ELMO1: variants seen among roughly 807,000 people sequenced by gnomAD.
ELMO1 encodes the protein engulfment and cell motility protein 1.
Under a neutral mutation model 98.9 loss-of-function variants are expected in ELMO1, and 26 were observed. The observed-to-expected ratio is 0.26, with a 90% confidence interval of 0.19 to 0.36. The LOEUF (loss-of-function observed/expected upper bound fraction) is 0.36, where lower values mean the gene tolerates loss of function less well. Ranked by LOEUF, ELMO1 falls within the 10% of genes least tolerant of loss-of-function variation. ELMO1 has a pLI of 1.00. For missense variants in ELMO1, 627 were observed against 935.2 expected (o/e 0.67, Z 4.30); for synonymous variants, 346 against 346.0 (o/e 1.00, Z 0.00).
chr7:36,934,178 C>A (rs1042344539), intron 16 of ELMO1, among the ~76,000 whole-genome samples: 2 of 152,154 alleles, frequency 1.3e-5, no homozygotes, highest in Non-Finnish European at 2.9e-5. Flanking sequence ...AAGAAACGGA[C>A]TGTGGCGAAC....
At chr7:37,010,246 C>T (rs1202242917) in intron 16 of ELMO1, among the ~76,000 whole-genome samples, 1 of 152,206 alleles carries the variant, frequency 6.6e-6, no homozygotes, top group Non-Finnish European at 1.5e-5. Flanking sequence ...AACTGATCTA[C>T]ACATCTAAAA....
intron 16 of ELMO1, among the ~76,000 whole-genome samples, chr7:36,984,093 A>C (rs765424229): frequency 3.3e-5 from 5 of 152,086 alleles, no homozygotes; most frequent in Non-Finnish European, 2.9e-5. Context: ...AGAAGAGGCC[A>C]AGGCGAAATG....
chr7:36,930,202 C>T (rs760797496), intron 16 of ELMO1, among the ~76,000 whole-genome samples: 6 of 152,218 alleles, frequency 3.9e-5, no homozygotes, highest in Non-Finnish European at 5.9e-5. Flanking sequence ...TACTTATGCC[C>T]TCTGGATGTG....
intron 15 of ELMO1, among the ~76,000 whole-genome samples, chr7:37,085,659 C>T (rs767173882): frequency 6.6e-6 from 1 of 151,990 alleles, no homozygotes; most frequent in Admixed American, 6.5e-5. Flanking sequence ...AAAAAAATAA[C>T]CCGTGGGTCC....
chr7:37,319,377 T>C (rs1327957313), intron 2 of ELMO1, among the ~76,000 whole-genome samples: 2 of 152,206 alleles, frequency 1.3e-5, no homozygotes, highest in Non-Finnish European at 2.9e-5. Flanking sequence ...GTTATGTAGC[T>C]GTTTCCTCTG....
At chr7:36,975,985 A>G (rs2129139351) in intron 16 of ELMO1, among the ~76,000 whole-genome samples, 1 of 152,362 alleles carries the variant, frequency 6.6e-6, no homozygotes, top group South Asian at 2.1e-4. Context: ...ATTGTTATCA[A>G]TATTTTCCTC....
intron 1 of ELMO1, among the ~76,000 whole-genome samples, chr7:37,390,607 A>G (rs1803026152): frequency 6.6e-6 from 1 of 152,166 alleles, no homozygotes; most frequent in African/African-American, 2.4e-5. Context: ...ATGGTCCCCT[A>G]GGTTAGGACT....
intron 10 of ELMO1, among the ~76,000 whole-genome samples, chr7:37,220,408 T>G (rs1467168790): frequency 6.6e-6 from 1 of 152,216 alleles, no homozygotes; most frequent in Non-Finnish European, 1.5e-5. Flanking sequence ...CTTTCTTAGT[T>G]GGAATCTTTT....
At chr7:37,377,749 C>A (rs1802412903) in intron 1 of ELMO1, among the ~76,000 whole-genome samples, 2 of 152,108 alleles carry the variant, frequency 1.3e-5, no homozygotes, top group Non-Finnish European at 2.9e-5. Flanking sequence ...CACCATTGAA[C>A]CCCCTCCTCC....
chr7:36,878,450 A>G (rs913796030), intron 18 of ELMO1, among the ~76,000 whole-genome samples: 3 of 152,038 alleles, frequency 2.0e-5, no homozygotes, highest in Non-Finnish European at 4.4e-5. Flanking sequence ...TTATTCATTT[A>G]CTGACAAAAG....
chr7:37,030,498 C>T (rs1175212494), intron 15 of ELMO1, among the ~76,000 whole-genome samples: 2 of 152,056 alleles, frequency 1.3e-5, no homozygotes, highest in African/African-American at 4.8e-5. Context: ...ATATAACGTA[C>T]AATAAGATAC....
chr7:37,374,226 C>T (rs1284801717), intron 1 of ELMO1, among the ~76,000 whole-genome samples: 1 of 152,198 alleles, frequency 6.6e-6, no homozygotes, highest in African/African-American at 2.4e-5. Flanking sequence ...CCTAGCTGAA[C>T]ATCAGCTCAG....
At chr7:36,977,802 G>A (rs1367942006) in intron 16 of ELMO1, among the ~76,000 whole-genome samples, 1 of 152,196 alleles carries the variant, frequency 6.6e-6, no homozygotes, top group African/African-American at 2.4e-5. Flanking sequence ...ACTCTTACAA[G>A]GGCCCAGTTT....
intron 16 of ELMO1, among the ~76,000 whole-genome samples, chr7:36,959,036 A>G (rs924353101): frequency 3.3e-5 from 5 of 152,118 alleles, no homozygotes; most frequent in African/African-American, 1.2e-4. Context: ...GCCTGAATCT[A>G]CGTTCCCCAT....
intron 13 of ELMO1, among the ~76,000 whole-genome samples, chr7:37,148,785 C>T (rs1397767964): frequency 6.6e-6 from 1 of 152,170 alleles, no homozygotes; most frequent in Admixed American, 6.5e-5. Context: ...TTCTTTCTTC[C>T]CTTACTTCCC....
chr7:37,311,331 T>C lies in ELMO1; in HGVS notation c.192+3519A>G, dbSNP rs150323424. 3.0e-3 allele frequency among the ~76,000 whole-genome samples: 461 copies of C among 152,240 alleles called. 4 individuals carry two copies. The highest frequency in any genetic ancestry group is 0.011 in the African/African-American group (442 of 41,548). ...GATTGTTTGGCCAGCTAGAGAATTT[T>C]TTTTTTTTCTGAAAAAAATTTTCTG... On this transcript the variant is annotated intron_variant, in intron 4 of 21. Coordinates refer to ENST00000310758, the MANE Select transcript of ELMO1 (RefSeq NM_014800.11).
chr7:37,226,011 T>C (rs1012730022), intron 8 of ELMO1, among the ~76,000 whole-genome samples: 4 of 152,136 alleles, frequency 2.6e-5, no homozygotes, highest in Admixed American at 1.3e-4. Flanking sequence ...CAGAGACCAC[T>C]TGCCTCATCT....
intron 21 of ELMO1, among the ~76,000 whole-genome samples, chr7:36,859,599 T>C (rs1483811310): frequency 6.6e-6 from 1 of 152,096 alleles, no homozygotes; most frequent in African/African-American, 2.4e-5. Context: ...ACTGCCAGTG[T>C]TTAAATTCCA....
At chr7:37,319,065 C>T (rs1041466733) in intron 2 of ELMO1, among the ~76,000 whole-genome samples, 2 of 152,040 alleles carry the variant, frequency 1.3e-5, no homozygotes, top group African/African-American at 4.8e-5. Context: ...CAGTCAGTTC[C>T]TCATGGATCT....
Sources: gnomAD v4.1 joint callset for allele counts (sites outside exome capture counted in the v4.1 genomes callset) on GRCh38, gnomAD v4.1.1 for gene constraint, MANE v1.5 for transcripts, NCBI Gene and HGNC (gene_info 2026-07-23, HGNC 2026-07-21) for gene names.